Variants in JAKMIP1 observed in about 807,000 individuals in gnomAD.
JAKMIP1 encodes janus kinase and microtubule-interacting protein 1.
JAKMIP1 carries 33 observed loss-of-function variants against 113.0 expected under a neutral mutation model. That is an observed-to-expected ratio of 0.29 (90% CI 0.22 to 0.39). The LOEUF is 0.39. JAKMIP1 is among the 10% of genes least tolerant of loss of function. The pLI is 1.00. For synonymous variants in JAKMIP1, 480 were observed against 459.9 expected (o/e 1.04, Z -0.56); for missense variants, 813 against 1,080.5 (o/e 0.75, Z 3.47).
Position 6,085,586 on chromosome 4 carries a change from T to C in JAKMIP1, c.668A>G (p.Glu223Gly). 6.2e-7 allele frequency: 1 copy of C among 1,614,222 alleles called. No homozygotes were observed. Among genetic ancestry groups the C allele is most frequent in the East Asian group, 2.2e-5 (1 of 44,876 alleles). ...KGKDRVILAL[E>G]KELGVQAGQT... is the part of the protein sequence containing the mutation. ...CCCAGCCTGCACGCCAAGTTCCTTC[T>C]CCAAGGCCAGAATCACACGGTCTTT... Residue 223 changes from glutamate (E) to glycine (G), a missense_variant, in exon 4 of 21, where the codon GAG (glutamate) becomes GGG (glycine). By Grantham distance (98) the Glu-to-Gly change is moderately conservative. This residue lies in a region of JAKMIP1 where 540 missense variants were observed against 653.9 expected (regional missense o/e 0.83). Coordinates refer to ENST00000409021, the MANE Select transcript of JAKMIP1 (RefSeq NM_001099433.2).
At chr4:6,087,805 G>T (rs557774096) in intron 3 of JAKMIP1, among the ~76,000 whole-genome samples, 2 of 152,138 alleles carry the variant, frequency 1.3e-5, no homozygotes, top group Non-Finnish European at 2.9e-5. Flanking sequence ...GTTTCCATCT[G>T]CCAGGATGAT....
intron 3 of JAKMIP1, among the ~76,000 whole-genome samples, chr4:6,087,607 C>T (rs533501775): frequency 3.3e-5 from 5 of 152,300 alleles, no homozygotes; most frequent in South Asian, 2.1e-4. Flanking sequence ...CCACATACCA[C>T]GGTGCTACAG....
At position 6,200,356 on chromosome 4, in the gene JAKMIP1, G is replaced by A; in HGVS notation, c.-251C>T. ...CCCCTCCCCGCTGCGAGCTTACGCCGCTGTCGCCGCCGCCACCGCCTTAAA... is the reference window on the plus strand; with the variant it reads ...CCCCTCCCCGCTGCGAGCTTACGCCACTGTCGCCGCCGCCACCGCCTTAAA... On this transcript the variant is annotated 5_prime_UTR_variant, in exon 1 of 21. Coordinates refer to ENST00000409021, the MANE Select transcript of JAKMIP1 (RefSeq NM_001099433.2). The surrounding 1 kb of genome is among the most constrained non-coding windows in gnomAD (Gnocchi z 7.0). 6.5e-6 allele frequency: 1 copy of A among 153,440 alleles called. No individual in the cohort carries two copies. Among genetic ancestry groups the A allele is most frequent in the Non-Finnish European group, 1.5e-5 (1 of 68,504 alleles). 9.5% of individuals were successfully genotyped at this position (153,440 alleles called of 1,614,324 possible). A position where few individuals can be genotyped will look rare whatever the true frequency, so the allele number is the denominator to read the frequency against.
intron 16 of JAKMIP1, 114 bp downstream of exon 16, chr4:6,048,743 C>G (rs1480729793): frequency 4.8e-6 from 4 of 828,944 alleles, no homozygotes; most frequent in Non-Finnish European, 8.1e-6. Flanking sequence ...CGTGCAGACG[C>G]AGACGGACTG....
At position 6,140,583 on chromosome 4, in the gene JAKMIP1, C is replaced by T. The variant is rs59576764; in HGVS notation, c.-147-27586G>A. The stretch of plus-strand genomic sequence containing the variant: ...CCCGCTAGGTGACAGTGGTTCACAG[C>T]GTAAGGACCTCTGTCCCCACTGCTC... On this transcript the variant is annotated intron_variant, in intron 1 of 20. Transcript: ENST00000409021. The surrounding 1 kb of genome is among the most constrained non-coding windows in gnomAD (Gnocchi z 9.4). 0.011 allele frequency among the ~76,000 whole-genome samples: 1,629 copies of T among 152,192 alleles called. 35 individuals carry two copies. The highest frequency in any genetic ancestry group is 0.033 in the African/African-American group (1,369 of 41,484).
At chr4:6,041,863 G>T (rs1714356587) in intron 17 of JAKMIP1, among the ~76,000 whole-genome samples, 1 of 152,150 alleles carries the variant, frequency 6.6e-6, no homozygotes, top group African/African-American at 2.4e-5. Context: ...TGACCCTGCA[G>T]GTCTGTGAGC....
intron 1 of JAKMIP1, among the ~76,000 whole-genome samples, chr4:6,119,555 AAAC>A (rs201075155): frequency 0.016 from 2,092 of 127,808 alleles, 38 homozygotes; most frequent in African/African-American, 0.048. Flanking sequence ...AAAAACAAAC[AAAC>A]AACAACAACA....
chr4:6,067,005 A>G lies in JAKMIP1; in HGVS notation c.1303-1997T>C, dbSNP rs1718194350. On this transcript the variant is annotated intron_variant, in intron 8 of 20. Transcript: ENST00000409021. This position sits in a 1 kb window ranked among gnomAD's most constrained non-coding sequence, Gnocchi z 4.6. ...TAGATTCCCTTAGGTCTCTGCACAA[A>G]TGCAACCATATGAGAAAAGGCTTCC... 6.6e-6 allele frequency among the ~76,000 whole-genome samples: 1 copy of G among 152,046 alleles called. No homozygotes were observed. The highest frequency in any genetic ancestry group is 1.5e-5 in the Non-Finnish European group (1 of 68,012).
At position 6,069,388 on chromosome 4, in the gene JAKMIP1, C is replaced by T. The variant is rs1718628451; in HGVS notation, c.1303-4380G>A. 1.3e-5 allele frequency among the ~76,000 whole-genome samples: 2 copies of T among 152,334 alleles called. No individual in the cohort carries two copies. The highest frequency in any genetic ancestry group is 3.9e-4 in the East Asian group (2 of 5,190). On this transcript the variant is annotated intron_variant, in intron 8 of 20. Transcript: ENST00000409021. The surrounding 1 kb of genome is among the most constrained non-coding windows in gnomAD (Gnocchi z 4.5). ...TAAAAAGGTAATTCCTCTAGCCTTC[C>T]ATGTTCCTTGCAACCAAAGCCTCTC...
At chr4:6,114,682 C>T (rs755371861) in intron 1 of JAKMIP1, among the ~76,000 whole-genome samples, 3 of 152,222 alleles carry the variant, frequency 2.0e-5, no homozygotes, top group Non-Finnish European at 2.9e-5. Context: ...TCAACATCAC[C>T]GCTGATCGAT....
chr4:6,027,257 C>T (rs1022440275), intron 20 of JAKMIP1, among the ~76,000 whole-genome samples: 3 of 152,132 alleles, frequency 2.0e-5, no homozygotes, highest in African/African-American at 7.2e-5. Context: ...GTTCTTCTCC[C>T]CCCCAAAACA....
chr4:6,070,306 A>C (rs1560139193), intron 8 of JAKMIP1: 1 of 384,450 alleles, frequency 2.6e-6, no homozygotes, highest in Non-Finnish European at 4.6e-6. Flanking sequence ...CCTCTAACAC[A>C]CCCGCCCTAG....
chr4:6,048,490 C>T (rs1323428323), intron 16 of JAKMIP1, among the ~76,000 whole-genome samples: 2 of 152,176 alleles, frequency 1.3e-5, no homozygotes, highest in East Asian at 1.9e-4. Context: ...CATTTAAACA[C>T]GTTTATGAAC....
intron 1 of JAKMIP1, among the ~76,000 whole-genome samples, chr4:6,198,609 G>T (rs770563195): frequency 6.6e-6 from 1 of 152,208 alleles, no homozygotes; most frequent in South Asian, 2.1e-4. Flanking sequence ...GAGCAGAGAT[G>T]TTCAGCATTA....
chr4:6,182,897 C>T (rs1217189273), intron 1 of JAKMIP1, among the ~76,000 whole-genome samples: 1 of 152,194 alleles, frequency 6.6e-6, no homozygotes, highest in African/African-American at 2.4e-5. Flanking sequence ...GCAGATATGA[C>T]CTGGAGATGC....
At chr4:6,145,027 A>G (rs751034301) in intron 1 of JAKMIP1, among the ~76,000 whole-genome samples, 2 of 152,244 alleles carry the variant, frequency 1.3e-5, no homozygotes, top group Non-Finnish European at 2.9e-5. Flanking sequence ...AATTTCAGCA[A>G]TGTGGCAGGA....
rs980016050 is a variant in JAKMIP1, at chr4:6,142,309, C to T, written c.-147-29312G>A. On this transcript the variant is annotated intron_variant, in intron 1 of 20. Transcript: ENST00000409021. The surrounding 1 kb of genome is among the most constrained non-coding windows in gnomAD (Gnocchi z 5.5). ...GCAAAGTTTCGAAGAGGCTCGTACC[C>T]ATGTATGCCCGCACAGGCAGGGGAA... is the stretch of plus-strand genomic sequence containing the variant. Among the ~76,000 whole-genome samples, 1 of 152,142 alleles carries T rather than the reference C, an allele frequency of 6.6e-6. No individual in the cohort carries two copies. The highest frequency in any genetic ancestry group is 1.5e-5 in the Non-Finnish European group (1 of 68,032).
At position 6,064,660 on chromosome 4, in the gene JAKMIP1, G is replaced by A. The variant is rs1054725379; in HGVS notation, c.1431+220C>T. 2.6e-5 allele frequency among the ~76,000 whole-genome samples: 4 copies of A among 152,044 alleles called. No individual in the cohort carries two copies. The highest frequency in any genetic ancestry group is 9.7e-5 in the African/African-American group (4 of 41,396). On this transcript the variant is annotated intron_variant, in intron 9 of 20. Transcript: ENST00000409021. This position sits in a 1 kb window ranked among gnomAD's most constrained non-coding sequence, Gnocchi z 4.3. ...GGAAATCAGTGCTGGGGAAAGAAAGGGTCCCCACGTGCTGCCCTCCCATCG... is the reference window on the plus strand; with the variant it reads ...GGAAATCAGTGCTGGGGAAAGAAAGAGTCCCCACGTGCTGCCCTCCCATCG...
chr4:6,073,020 G>A (rs1043179324), intron 8 of JAKMIP1, among the ~76,000 whole-genome samples: 4 of 150,432 alleles, frequency 2.7e-5, no homozygotes, highest in Admixed American at 6.7e-5. Flanking sequence ...GTTGCCGTGA[G>A]CTGAGCTCCA....
Sources: allele counts gnomAD v4.1 joint callset (sites outside exome capture counted in the v4.1 genomes callset), GRCh38; gene constraint gnomAD v4.1.1; regional missense constraint gnomAD v4.1.1; non-coding constraint Gnocchi (gnomAD v3.1); transcripts MANE v1.5; gene names NCBI Gene and HGNC (gene_info 2026-07-23, HGNC 2026-07-21).